Variants in ERICH6B observed in about 807,000 individuals in gnomAD.
The protein encoded by ERICH6B is glutamate rich 6B.
In ERICH6B, 69 loss-of-function variants were observed where a neutral mutation model predicts 80.0. The observed-to-expected ratio is 0.86, with a 90% CI of 0.71 to 1.05. The LOEUF is 1.05. ERICH6B is among the 50% of genes least tolerant of loss of function. The pLI, the probability that ERICH6B is intolerant of heterozygous loss-of-function variation, is 0.00. For synonymous variants in ERICH6B, 283 were observed against 291.9 expected (o/e 0.97, Z 0.31); for missense variants, 754 against 796.1 (o/e 0.95, Z 0.64).
At chr13:45,599,312 A>G (rs964551060) in intron 2 of ERICH6B, among the ~76,000 whole-genome samples, 5 of 152,218 alleles carry the variant, frequency 3.3e-5, no homozygotes, top group Non-Finnish European at 5.9e-5. Flanking sequence ...TGGTAGCAGT[A>G]AAGGGGGAGC....
chr13:45,562,335 G>C (rs1333890036), intron 10 of ERICH6B, among the ~76,000 whole-genome samples: 1 of 152,228 alleles, frequency 6.6e-6, no homozygotes, highest in Non-Finnish European at 1.5e-5. Flanking sequence ...ACCACACCTG[G>C]CTGAGTTTTG....
Position 45,597,052 on chromosome 13 carries a change from C to A in ERICH6B, c.-47G>T. 6.7e-7 allele frequency: 1 copy of A among 1,492,492 alleles called. No individual in the cohort carries two copies. Among genetic ancestry groups the A allele is most frequent in the South Asian group, 1.4e-5 (1 of 72,828 alleles). 92.5% of individuals were successfully genotyped at this position (1,492,492 alleles called of 1,614,324 possible). On this transcript the variant is annotated 5_prime_UTR_variant, in exon 3 of 15. The change abolishes the stop of an existing upstream ORF in the 5' untranslated region. Transcript: ENST00000298738. ...GAACTCCTTCTGCAGCAGCCAACGT[C>A]ACTTTATTATCCTGTATCCAAGAAA...
At chr13:45,579,275 G>A (rs1383062275) in intron 7 of ERICH6B, among the ~76,000 whole-genome samples, 1 of 152,170 alleles carries the variant, frequency 6.6e-6, no homozygotes, top group Non-Finnish European at 1.5e-5. Flanking sequence ...ATAAGCCATG[G>A]GGTGGGGATG....
At chr13:45,544,716 T>TG in intron 14 of ERICH6B, 44 bp downstream of exon 14, 5 of 1,521,070 alleles carry the variant, frequency 3.3e-6, no homozygotes, top group Non-Finnish European at 4.5e-6. Context: ...TTTGTACAGG[T>TG]GGGCACCCCA....
At position 45,574,878 on chromosome 13, in the gene ERICH6B, G is replaced by A. The variant is rs373426079; in HGVS notation, c.1014C>T (p.Ser338=). The change falls in exon 8 of 15, where the codon TCC becomes TCT. Residue 338 remains serine (S), a synonymous_variant. Coordinates refer to ENST00000298738, the MANE Select transcript of ERICH6B (RefSeq NM_182542.3). The stretch of plus-strand genomic sequence containing the variant: ...AATCTTCCACTTCCAGCTTGTCAAT[G>A]GACTCATCTGTTATACCATCCCAAA... The part of the protein sequence containing the change: ...ENFWDGITDE[S]IDKLEVEDLD... 54 of 1,551,258 alleles carry A rather than the reference G, an allele frequency of 3.5e-5. No individual in the cohort carries two copies. The African/African-American group carries it at 6.7e-4, about 19-fold the overall frequency.
chr13:45,580,787 G>T (rs947711990), intron 5 of ERICH6B, 122 bp from the exon 6 acceptor site: 8 of 893,910 alleles, frequency 8.9e-6, no homozygotes, highest in African/African-American at 8.4e-5. Flanking sequence ...CAACAGTTGG[G>T]GGGAACTGAG....
At chr13:45,580,482 G>T in intron 6 of ERICH6B, 121 bp downstream of exon 6, 1 of 1,011,050 alleles carries the variant, frequency 9.9e-7, no homozygotes, top group Non-Finnish European at 1.5e-6. Flanking sequence ...AGCCTGCTCT[G>T]TTCTAAAATG....
chr13:45,590,752 A>C, intron 3 of ERICH6B, 55 bp from the exon 4 acceptor site: 6 of 1,472,336 alleles, frequency 4.1e-6, no homozygotes, highest in Non-Finnish European at 5.6e-6. Context: ...CTTTCTTTCT[A>C]TTTAAAAATA....
At position 45,547,310 on chromosome 13, in the gene ERICH6B, G is replaced by A. The variant is rs368117186; in HGVS notation, c.1647-2325C>T. On this transcript the variant is annotated intron_variant, in intron 13 of 14. Transcript: ENST00000298738. ...ACTCTGTGGGGAGCAGATCCTGCTAGCTTTTAACCTTTTAAATGGCTCCCA... is the reference window on the plus strand; with the variant it reads ...ACTCTGTGGGGAGCAGATCCTGCTAACTTTTAACCTTTTAAATGGCTCCCA... Among the ~76,000 whole-genome samples the A allele has an allele frequency of 7.2e-4, 110 of 152,360 alleles. 2 individuals carry two copies. The highest frequency in any genetic ancestry group is 5.6e-3 in the South Asian group (27 of 4,832).
chr13:45,570,699 T>G (rs1035427515), intron 8 of ERICH6B, among the ~76,000 whole-genome samples: 2 of 152,080 alleles, frequency 1.3e-5, no homozygotes, highest in Non-Finnish European at 2.9e-5. Flanking sequence ...CCATTGCAGC[T>G]GCAGGTTCCA....
At chr13:45,581,989 G>A (rs1232487870) in intron 5 of ERICH6B, among the ~76,000 whole-genome samples, 1 of 152,204 alleles carries the variant, frequency 6.6e-6, no homozygotes, top group Non-Finnish European at 1.5e-5. Flanking sequence ...TTGCATTAGT[G>A]TCCTATTCTA....
intron 7 of ERICH6B, among the ~76,000 whole-genome samples, chr13:45,578,253 G>C (rs967635362): frequency 6.6e-6 from 1 of 152,118 alleles, no homozygotes; most frequent in African/African-American, 2.4e-5. Flanking sequence ...AATTCCCCAT[G>C]CCCCTGATGT....
At chr13:45,548,664 G>T (rs1022527881) in intron 13 of ERICH6B, among the ~76,000 whole-genome samples, 29 of 152,132 alleles carry the variant, frequency 1.9e-4, no homozygotes, top group African/African-American at 6.5e-4. Context: ...AGGACTGAGA[G>T]GGGGAGCTCT....
chr13:45,608,155 A>G (rs1402305147), intron 1 of ERICH6B, among the ~76,000 whole-genome samples: 2 of 152,198 alleles, frequency 1.3e-5, no homozygotes, highest in Admixed American at 1.3e-4. Context: ...CCCAATGGGT[A>G]CACACGATTC....
chr13:45,553,342 G>A lies in ERICH6B; in HGVS notation c.1408-3026C>T, dbSNP rs74070474. Among the ~76,000 whole-genome samples the A allele has an allele frequency of 4.3e-3, 647 of 152,218 alleles. 5 individuals are homozygous for A. Among genetic ancestry groups the A allele is most frequent in the African/African-American group, 0.015 (609 of 41,510 alleles). The stretch of plus-strand genomic sequence containing the variant: ...GGGGTGGAGGGTTGGGGCCACGGTG[G>A]GCGCTGTGGTCACTGGATGGGCTCA... On this transcript the variant is annotated intron_variant, in intron 11 of 14. Transcript: ENST00000298738.
chr13:45,560,953 C>G (rs1874647519), intron 11 of ERICH6B, among the ~76,000 whole-genome samples: 1 of 152,054 alleles, frequency 6.6e-6, no homozygotes, highest in South Asian at 2.1e-4. Flanking sequence ...GCTATGTTGC[C>G]TAGGCTACTA....
intron 2 of ERICH6B, among the ~76,000 whole-genome samples, chr13:45,606,520 T>TATATAC: frequency 4.9e-5 from 1 of 20,216 alleles, no homozygotes; most frequent in African/African-American, 1.8e-4. Context: ...TATATATATA[T>TATATAC]ATATATATAT....
chr13:45,575,321 G>T (rs994100330), intron 7 of ERICH6B, among the ~76,000 whole-genome samples: 12 of 152,230 alleles, frequency 7.9e-5, no homozygotes, highest in Admixed American at 3.3e-4. Context: ...AGGCCCTGAG[G>T]TGAGTGTGGG....
chr13:45,590,800 A>T, intron 3 of ERICH6B, 103 bp from the exon 4 acceptor site: 1 of 927,668 alleles, frequency 1.1e-6, no homozygotes, highest in Middle Eastern at 3.3e-4. Context: ...AGTTATAGAA[A>T]TTTTCTATTT....
Sources: gnomAD v4.1 joint callset for allele counts (sites outside exome capture counted in the v4.1 genomes callset) on GRCh38, gnomAD v4.1.1 for gene constraint, MANE v1.5 for transcripts, NCBI Gene and HGNC (gene_info 2026-07-23, HGNC 2026-07-21) for gene names.